Variants in C11orf58 observed in about 807,000 individuals in gnomAD.
C11orf58 encodes the protein chromosome 11 open reading frame 58, also known as small acidic protein.
A neutral mutation model predicts 22.7 loss-of-function variants in C11orf58; 5 were observed. That is an observed-to-expected ratio of 0.22 (90% CI 0.12 to 0.46). The LOEUF is 0.46. C11orf58 is among the 20% of genes least tolerant of loss of function. The pLI, the probability that C11orf58 is intolerant of heterozygous loss-of-function variation, is 0.99. For synonymous variants in C11orf58, 71 were observed against 70.7 expected (o/e 1.00, Z -0.02); for missense variants, 151 against 223.3 (o/e 0.68, Z 2.06).
At chr11:16,745,995 A>G (rs1237544475) in intron 2 of C11orf58, among the ~76,000 whole-genome samples, 3 of 152,232 alleles carry the variant, frequency 2.0e-5, no homozygotes, top group Non-Finnish European at 4.4e-5. Flanking sequence ...GTGGTCATAT[A>G]GATCAATAAT....
intron 1 of C11orf58, among the ~76,000 whole-genome samples, chr11:16,740,797 A>C (rs1848441215): frequency 6.6e-6 from 1 of 151,714 alleles, no homozygotes; most frequent in Non-Finnish European, 1.5e-5. Flanking sequence ...GCAGAAAAAA[A>C]AAAAAAAACT....
Position 16,741,994 on chromosome 11 carries a change from A to G in C11orf58, c.64-2607A>G, listed in dbSNP as rs565525767. Among the ~76,000 whole-genome samples, 274 of 152,336 alleles carry G rather than the reference A, an allele frequency of 1.8e-3. 1 individual carries two copies. Among genetic ancestry groups the G allele is most frequent in the Admixed American group, 3.9e-3 (59 of 15,302 alleles). On this transcript the variant is annotated intron_variant, in intron 1 of 4. Transcript: ENST00000228136. ...CATCACATCCTCCCTCTCAGTGGAA[A>G]AATTGTCTTCCACGAAACTGGTCCC... is the stretch of plus-strand genomic sequence containing the variant.
intron 1 of C11orf58, among the ~76,000 whole-genome samples, chr11:16,743,166 G>A (rs777888409): frequency 9.2e-5 from 14 of 151,990 alleles, no homozygotes; most frequent in Admixed American, 2.6e-4. Flanking sequence ...TGATAAATTC[G>A]GTGAATATTT....
rs2134078255 is a variant in C11orf58, at chr11:16,757,141, A to G, written c.*2037A>G. On this transcript the variant is annotated 3_prime_UTR_variant, in exon 5 of 5. Coordinates refer to ENST00000228136, the MANE Select transcript of C11orf58 (RefSeq NM_014267.6). ...ACAATACATATGACATTTAACAAAT[A>G]CTTGGTTTGAAAAAGTTTGGCTTTA... is the stretch of plus-strand genomic sequence containing the variant. Among the ~76,000 whole-genome samples, 1 of 152,258 alleles carries G rather than the reference A, an allele frequency of 6.6e-6. No homozygotes were observed. The highest frequency in any genetic ancestry group is 1.9e-4 in the East Asian group (1 of 5,188).
rs1848582065 is a variant in C11orf58 at position 16,756,800 on chromosome 11, C to T, written c.*1696C>T. ...GTGCATGCCTGTAATCCCAGCTACT[C>T]AGGAGGCTGAGGCAGGAGAATCACT... On this transcript the variant is annotated 3_prime_UTR_variant, in exon 5 of 5. Coordinates refer to ENST00000228136, the MANE Select transcript of C11orf58 (RefSeq NM_014267.6). 6.7e-6 allele frequency: 1 copy of T among 149,678 alleles called. No homozygotes were observed. Among genetic ancestry groups the T allele is most frequent in the African/African-American group, 2.5e-5 (1 of 40,702 alleles). 9.3% of individuals were successfully genotyped at this position (149,678 alleles called of 1,614,324 possible).
At chr11:16,744,184 A>G (rs1848471124) in intron 1 of C11orf58, 2 of 162,268 alleles carry the variant, frequency 1.2e-5, no homozygotes, top group African/African-American at 4.8e-5. Flanking sequence ...TAGGTGCTCT[A>G]GGACCCTACC....
At chr11:16,753,135 G>C (rs1234821002) in intron 4 of C11orf58, among the ~76,000 whole-genome samples, 3 of 152,130 alleles carry the variant, frequency 2.0e-5, no homozygotes, top group African/African-American at 7.2e-5. Flanking sequence ...ACTGTCACCA[G>C]GCTGGAGTGC....
intron 3 of C11orf58, 133 bp from the exon 4 acceptor site, chr11:16,752,652 A>G: frequency 2.0e-6 from 1 of 498,178 alleles, no homozygotes; most frequent in Non-Finnish European, 3.4e-6. Flanking sequence ...CTATGGCATA[A>G]ATTCTCAAAA....
At chr11:16,754,553 T>C (rs867871406) in intron 4 of C11orf58, among the ~76,000 whole-genome samples, 6 of 49,452 alleles carry the variant, frequency 1.2e-4, no homozygotes, top group Admixed American at 2.7e-4. Context: ...CTCCCTTTTT[T>C]TTTTTTTTTT....
At position 16,757,294 on chromosome 11, in the gene C11orf58, T is replaced by A. The variant is rs1848588296; in HGVS notation, c.*2190T>A. 6.6e-6 allele frequency among the ~76,000 whole-genome samples: 1 copy of A among 152,226 alleles called. No individual in the cohort carries two copies. The highest frequency in any genetic ancestry group is 1.5e-5 in the Non-Finnish European group (1 of 68,042). On this transcript the variant is annotated 3_prime_UTR_variant, in exon 5 of 5. Transcript: ENST00000228136. Reference sequence around the variant, plus strand: ...TGAGTTTTATGGTTTTTAAAAGTATTTTCAGTTCATTATTTAAATGTTGGG... The same window carrying A: ...TGAGTTTTATGGTTTTTAAAAGTATATTCAGTTCATTATTTAAATGTTGGG...
At chr11:16,750,537 C>T (rs1268880395) in intron 3 of C11orf58, 1 of 152,214 alleles carries the variant, frequency 6.6e-6, no homozygotes, top group Non-Finnish European at 1.5e-5. Context: ...GCACATGTTC[C>T]TCTTCTGGCT....
At position 16,738,798 on chromosome 11, in the gene C11orf58, C is replaced by T. The variant is rs754313729; in HGVS notation, c.20C>T (p.Ser7Phe). Residue 7 changes from serine to phenylalanine, a missense_variant, in exon 1 of 5, where the codon TCT becomes TTT. Ser to Phe is a radical substitution (Grantham distance 155, BLOSUM62 -2). Coordinates refer to ENST00000228136, the MANE Select transcript of C11orf58 (RefSeq NM_014267.6). MSAARESHPHGVKRSAS... is the reference protein window; with the variant it reads MSAAREFHPHGVKRSAS... Reference sequence around the variant, plus strand: ...GCAAGGATGAGTGCTGCCAGAGAGTCTCACCCGCATGGGGTGAAGCGTTCA... The same window carrying T: ...GCAAGGATGAGTGCTGCCAGAGAGTTTCACCCGCATGGGGTGAAGCGTTCA... The T allele has an allele frequency of 2.1e-5, 34 of 1,613,658 alleles. No individual in the cohort carries two copies. Among genetic ancestry groups the T allele is most frequent in the Middle Eastern group, 3.3e-4 (2 of 6,080 alleles).
intron 4 of C11orf58, chr11:16,753,835 G>A: frequency 4.7e-6 from 2 of 427,448 alleles, no homozygotes; most frequent in Non-Finnish European, 8.3e-6. Flanking sequence ...GAGGACCTGG[G>A]ATATAGGCCT....
At chr11:16,745,142 A>C (rs1398655100) in intron 2 of C11orf58, among the ~76,000 whole-genome samples, 1 of 152,182 alleles carries the variant, frequency 6.6e-6, no homozygotes, top group Non-Finnish European at 1.5e-5. Flanking sequence ...ACACTTTCAG[A>C]GATTATTTCT....
chr11:16,747,065 C>T (rs557969182), intron 2 of C11orf58: 15 of 152,254 alleles, frequency 9.9e-5, no homozygotes, highest in African/African-American at 3.4e-4. Flanking sequence ...TTTTATTGGT[C>T]ACAGGAAGAA....
At chr11:16,754,292 G>A (rs1377684906) in intron 4 of C11orf58, among the ~76,000 whole-genome samples, 1 of 151,734 alleles carries the variant, frequency 6.6e-6, no homozygotes, top group Non-Finnish European at 1.5e-5. Flanking sequence ...CTAGGGGAGG[G>A]GAGATAGGTG....
In C11orf58 at chr11:16,754,864, GTTTTAGGT is replaced by G. The variant is rs1362168014; in HGVS notation, c.319-6_320del. 1 of 1,612,586 alleles carries G rather than the reference GTTTTAGGT, an allele frequency of 6.2e-7. No homozygotes were observed. The highest frequency in any genetic ancestry group is 8.5e-7 in the Non-Finnish European group (1 of 1,179,516). On this transcript the variant is annotated splice_acceptor_variant and splice_polypyrimidine_tract_variant and coding_sequence_variant and intron_variant, in exon 5 of 5. Transcript: ENST00000228136. LOFTEE classifies it high-confidence loss of function. ...TTTTTAAAAGAGCCTGTTGATTGAT[GTTTTAGGT>G]AGAAGACCATGATGGAGAAGGTGAT... is the stretch of plus-strand genomic sequence containing the variant.
Position 16,758,221 on chromosome 11 carries a change from C to T in C11orf58, c.*3117C>T, listed in dbSNP as rs1031520323. On this transcript the variant is annotated 3_prime_UTR_variant, in exon 5 of 5. Coordinates refer to ENST00000228136, the MANE Select transcript of C11orf58 (RefSeq NM_014267.6). Reference sequence around the variant, plus strand: ...TCAGTATCATGATTGTTAACCCAAACGACTTCCTGGAAAATTCCCAGCCCT... The same window carrying T: ...TCAGTATCATGATTGTTAACCCAAATGACTTCCTGGAAAATTCCCAGCCCT... Among the ~76,000 whole-genome samples, 2 of 152,086 alleles carry T rather than the reference C, an allele frequency of 1.3e-5. No individual in the cohort carries two copies. The highest frequency in any genetic ancestry group is 1.9e-4 in the East Asian group (1 of 5,200).
chr11:16,740,781 G>C (rs1848441034), intron 1 of C11orf58, among the ~76,000 whole-genome samples: 1 of 123,774 alleles, frequency 8.1e-6, no homozygotes, highest in Non-Finnish European at 1.8e-5. Flanking sequence ...ATACCTCCAA[G>C]CTGTTGCAGA....
Sources: allele counts gnomAD v4.1 joint callset (sites outside exome capture counted in the v4.1 genomes callset), GRCh38; gene constraint gnomAD v4.1.1; transcripts MANE v1.5; gene names NCBI Gene and HGNC (gene_info 2026-07-23, HGNC 2026-07-21).